The following ATN1 variants were observed in gnomAD, a reference collection of about 807,000 sequenced individuals.
ATN1 encodes atrophin 1.
In ATN1, 19 loss-of-function variants were observed where a neutral mutation model predicts 85.8. That is an observed-to-expected ratio of 0.22 (90% CI 0.15 to 0.32). The LOEUF is 0.32. ATN1 is among the 10% of genes least tolerant of loss of function. ATN1 has a pLI of 1.00. For missense variants in ATN1, 1,453 were observed against 1,564.5 expected (o/e 0.93, Z 1.20); for synonymous variants, 674 against 657.0 (o/e 1.03, Z -0.39).
Position 6,938,864 on chromosome 12 carries a change from C to T in ATN1, c.2901C>T (p.Gly967=). The T allele has an allele frequency of 6.2e-7, 1 of 1,614,144 alleles. No homozygotes were observed. Among genetic ancestry groups the T allele is most frequent in the Non-Finnish European group, 8.5e-7 (1 of 1,180,020 alleles). Residue 967 remains glycine (G), a synonymous_variant, in exon 7 of 10, where the codon GGC becomes GGT. Transcript: ENST00000396684. ...CCCTACATGGGGTCCCTGGGCCGGGCTTGGATCCCTTTCCCCGACATGGGG... is the reference window on the plus strand; with the variant it reads ...CCCTACATGGGGTCCCTGGGCCGGGTTTGGATCCCTTTCCCCGACATGGGG... The part of the protein sequence containing the change: ...LEPLHGVPGP[G]LDPFPRHGGL...
Position 6,942,117 on chromosome 12 carries a change from T to C in ATN1, c.*337T>C, listed in dbSNP as rs1241047609. 2.5e-6 allele frequency: 1 copy of C among 403,244 alleles called. No homozygotes were observed. Among genetic ancestry groups the C allele is most frequent in the Non-Finnish European group, 4.6e-6 (1 of 216,556 alleles). The allele number at this position is 403,244 out of a possible 1,614,324, so 25.0% of individuals were successfully genotyped here. A position where few individuals can be genotyped will look rare whatever the true frequency, so the allele number is the denominator to read the frequency against. On this transcript the variant is annotated 3_prime_UTR_variant, in exon 10 of 10. Coordinates refer to ENST00000396684, the MANE Select transcript of ATN1 (RefSeq NM_001940.4). ...CTGCCCCGTTGGTGTGATTATTTCA[T>C]CTGTTAGATGTGGCTGTTTTGCGTA...
chr12:6,940,280 G>A (rs1473214724), intron 7 of ATN1, among the ~76,000 whole-genome samples: 2 of 150,864 alleles, frequency 1.3e-5, no homozygotes, highest in African/African-American at 4.9e-5. Context: ...GTGAGCCACC[G>A]CACCCGGCTT....
Position 6,938,500 on chromosome 12 carries a change from G to A in ATN1, c.2537G>A (p.Arg846His), listed in dbSNP as rs1555144216. 3.1e-6 allele frequency: 5 copies of A among 1,609,050 alleles called. No individual in the cohort carries two copies. The highest frequency in any genetic ancestry group is 3.3e-5 in the Admixed American group (2 of 59,898). The change falls in exon 7 of 10, where the codon CGT (arginine) becomes CAT (histidine). Residue 846 changes from arginine (R) to histidine (H), a missense_variant. Transcript: ENST00000396684. ...ERSVKLAQEG[R>H]APVECPSLGP... ...CCACAGAAGTTGGCTCAGGAGGGCC[G>A]TGCTCCGGTGGAATGCCCATCTCTG...
chr12:6,927,599 C>CCCTCGG (rs1194554001), upstream of ATN1, among the ~76,000 whole-genome samples: 312 of 151,610 alleles, frequency 2.1e-3, 2 homozygotes, highest in African/African-American at 6.8e-3. Flanking sequence ...CGCCCCGGCC[C>CCCTCGG]CCTCGGCCTC....
chr12:6,928,050 G>C lies in ATN1; in HGVS notation c.-497G>C, dbSNP rs1433041430. 6.9e-6 allele frequency among the ~76,000 whole-genome samples: 1 copy of C among 145,178 alleles called. No individual in the cohort carries two copies. The highest frequency in any genetic ancestry group is 1.5e-5 in the Non-Finnish European group (1 of 65,404). On this transcript the variant is annotated 5_prime_UTR_variant, in exon 1 of 10. Transcript: ENST00000396684. ...GCGGGTCGGAACCGCGCCGAGGGCC[G>C]GGCGGGCCGCGGGGCCGGGCGGCGC...
At position 6,936,309 on chromosome 12, in the gene ATN1, A is replaced by T; in HGVS notation, c.1042A>T (p.Lys348Ter). The T allele has an allele frequency of 6.2e-7, 1 of 1,613,706 alleles. No individual in the cohort carries two copies. Among genetic ancestry groups the T allele is most frequent in the Non-Finnish European group, 8.5e-7 (1 of 1,179,842 alleles). The change falls in exon 5 of 10, where the codon AAG becomes TAG. Residue 348 changes from lysine to a stop codon, truncating the protein, a stop_gained. Transcript: ENST00000396684. LOFTEE classifies it high-confidence loss of function. ...GGGTGGACTTCCTCCTGGCCCAGAG[A>T]AGGGCCCAACTCTGGCTCCTTCACC... ...GMGGLPPGPE[K>*]GPTLAPSPHS...
intron 1 of ATN1, among the ~76,000 whole-genome samples, chr12:6,930,361 C>G (rs1467830243): frequency 2.6e-5 from 4 of 152,200 alleles, no homozygotes; most frequent in Non-Finnish European, 5.9e-5. Flanking sequence ...GAGCCCCTCC[C>G]AGAGAGCTTG....
At chr12:6,931,776 G>A (rs1945469119) in intron 1 of ATN1, among the ~76,000 whole-genome samples, 2 of 151,366 alleles carry the variant, frequency 1.3e-5, no homozygotes, top group Admixed American at 6.6e-5. Flanking sequence ...GCTCACGCCT[G>A]TAATCCCAGC....
Position 6,934,221 on chromosome 12 carries a change from G to A in ATN1, c.73G>A (p.Glu25Lys). Residue 25 changes from glutamate to lysine, a missense_variant, in exon 3 of 10, where the codon GAA becomes AAA. Transcript: ENST00000396684. The surrounding 1 kb of genome is among the most constrained non-coding windows in gnomAD (Gnocchi z 4.5). The stretch of plus-strand genomic sequence containing the variant: ...GAAGAAAGAGGCCCCTGGGCCCCGG[G>A]AAGAACTGAGATCGAGGGGCCGGGC... ...GRKKEAPGPR[E>K]ELRSRGRASP... is the part of the protein sequence containing the mutation. 6.3e-7 allele frequency: 1 copy of A among 1,592,432 alleles called. No homozygotes were observed. The highest frequency in any genetic ancestry group is 8.5e-7 in the Non-Finnish European group (1 of 1,174,780).
chr12:6,937,019 A>G lies in ATN1; in HGVS notation c.1752A>G (p.Pro584=), dbSNP rs200905097. The stretch of plus-strand genomic sequence containing the variant: ...CTTCCACTTCTCAAGGGTCCTACCC[A>G]TGTTCACACCCCTCCCCTTCCCAGG... ...SSSSTSQGSY[P]CSHPSPSQGP... The change falls in exon 5 of 10, where the codon CCA becomes CCG. Residue 584 remains proline, a synonymous_variant. Transcript: ENST00000396684. The surrounding 1 kb of genome is among the most constrained non-coding windows in gnomAD (Gnocchi z 6.0). 75 of 1,613,568 alleles carry G rather than the reference A, an allele frequency of 4.6e-5. No homozygotes were observed. In the Admixed American group the frequency reaches 5.8e-4, roughly 13 times the overall value.
In ATN1 at chr12:6,937,071, C is replaced by T. The variant is rs1255387059; in HGVS notation, c.1804C>T (p.Pro602Ser). The T allele has an allele frequency of 6.2e-7, 1 of 1,613,422 alleles. No homozygotes were observed. Among genetic ancestry groups the T allele is most frequent in the Non-Finnish European group, 8.5e-7 (1 of 1,180,032 alleles). Residue 602 changes from proline (P) to serine (S), a missense_variant, in exon 5 of 10, where the codon CCA becomes TCA. By Grantham distance (74) the Pro-to-Ser change is moderately conservative (BLOSUM62 -1). Coordinates refer to ENST00000396684, the MANE Select transcript of ATN1 (RefSeq NM_001940.4). The surrounding 1 kb of genome is among the most constrained non-coding windows in gnomAD (Gnocchi z 6.0). ...QGPQGAPYPF[P>S]PVPTVTTSSA... ...CCCTCAAGGGGCGCCCTACCCTTTC[C>T]CACCGGTGCCTACGGTCACCACCTC...
chr12:6,941,338 C>A lies in ATN1; in HGVS notation c.3359-36C>A, dbSNP rs367756140. ...TGGTCCAGAGCAGGTACTTGTTATC[C>A]GTTGGTCATATGCCCCTTGCCCTTC... On this transcript the variant is annotated intron_variant, in intron 8 of 9. Coordinates refer to ENST00000396684, the MANE Select transcript of ATN1 (RefSeq NM_001940.4). This position sits in a 1 kb window ranked among gnomAD's most constrained non-coding sequence, Gnocchi z 5.9. 1 of 1,555,882 alleles carries A rather than the reference C, an allele frequency of 6.4e-7. No homozygotes were observed. Among genetic ancestry groups the A allele is most frequent in the Admixed American group, 2.1e-5 (1 of 48,582 alleles).
At chr12:6,930,580 G>A (rs1945447609) in intron 1 of ATN1, among the ~76,000 whole-genome samples, 1 of 152,140 alleles carries the variant, frequency 6.6e-6, no homozygotes, top group Admixed American at 6.5e-5. Flanking sequence ...CGGATCACGA[G>A]GTCAGGCGAT....
chr12:6,936,084 A>G lies in ATN1; in HGVS notation c.817A>G (p.Thr273Ala), dbSNP rs781896011. 5 of 1,530,366 alleles carry G rather than the reference A, an allele frequency of 3.3e-6. No individual in the cohort carries two copies. The highest frequency in any genetic ancestry group is 2.6e-5 in the South Asian group (2 of 77,238). 94.8% of individuals were successfully genotyped at this position (1,530,366 alleles called of 1,614,324 possible). Residue 273 changes from threonine (T) to alanine (A), a missense_variant, in exon 5 of 10, where the codon ACA (threonine) becomes GCA (alanine). This residue lies in a region of ATN1 where 990 missense variants were observed against 914.8 expected (regional missense o/e 1.08). Coordinates refer to ENST00000396684, the MANE Select transcript of ATN1 (RefSeq NM_001940.4). Reference protein sequence around the residue: ...SSSGASGAPPTKPPTTPVGGG... With the variant: ...SSSGASGAPPAKPPTTPVGGG... ...CTCTGGGGCTAGTGGTGCTCCCCCA[A>G]CAAAGCCGCCTACCACTCCAGTGGG...
chr12:6,925,634 C>T (rs1945392339), upstream of ATN1, among the ~76,000 whole-genome samples: 1 of 152,168 alleles, frequency 6.6e-6, no homozygotes, highest in African/African-American at 2.4e-5. Context: ...TGACTCATTC[C>T]CAGGCCAAGG....
rs143844103 is a variant in ATN1 at position 6,938,748 on chromosome 12, G to A, written c.2785G>A (p.Ala929Thr). The part of the protein sequence containing the change: ...NVPALYSSDP[A>T]AREREREARE... Reference sequence around the variant, plus strand: ...CCCGGCCCTGTACAGCAGTGATCCAGCTGCCCGGGAGAGGGAACGGGAAGC... The same window carrying A: ...CCCGGCCCTGTACAGCAGTGATCCAACTGCCCGGGAGAGGGAACGGGAAGC... Residue 929 changes from alanine to threonine, a missense_variant, in exon 7 of 10, where the codon GCT becomes ACT. Ala to Thr is a moderately conservative substitution (Grantham distance 58). Around this residue, in one of 6 missense-constraint regions of ATN1, gnomAD observed 208 missense variants for 263.4 expected, o/e 0.79. Coordinates refer to ENST00000396684, the MANE Select transcript of ATN1 (RefSeq NM_001940.4). 3,161 of 1,613,950 alleles carry A rather than the reference G, an allele frequency of 2.0e-3. 12 individuals are homozygous for A. Among genetic ancestry groups the A allele is most frequent in the South Asian group, 2.3e-3 (211 of 91,088 alleles).
chr12:6,927,660 C>A (rs1489957856), upstream of ATN1, among the ~76,000 whole-genome samples: 3 of 151,406 alleles, frequency 2.0e-5, no homozygotes, highest in Admixed American at 2.0e-4. Flanking sequence ...CCCCCTCTCT[C>A]CCCCCTCGCG....
At chr12:6,938,234 A>G (rs1945580458) in intron 6 of ATN1, among the ~76,000 whole-genome samples, 167 bp downstream of exon 6, 1 of 152,176 alleles carries the variant, frequency 6.6e-6, no homozygotes, top group Non-Finnish European at 1.5e-5. Flanking sequence ...AATGGAGCCC[A>G]AAAGGTTTTC....
rs779493253 is a variant in ATN1, at chr12:6,929,282, A to G, written c.-163+898A>G. Reference sequence around the variant, plus strand: ...CCACCCTCCACCCTCCAATTTCCGGAGCGTCCGCTGCCCCTGGAGCTGTGA... The same window carrying G: ...CCACCCTCCACCCTCCAATTTCCGGGGCGTCCGCTGCCCCTGGAGCTGTGA... On this transcript the variant is annotated intron_variant, in intron 1 of 9. Coordinates refer to ENST00000396684, the MANE Select transcript of ATN1 (RefSeq NM_001940.4). Among the ~76,000 whole-genome samples, 22 of 152,214 alleles carry G rather than the reference A, an allele frequency of 1.4e-4. 1 individual carries two copies. The South Asian group carries it at 1.7e-3, about 11-fold the overall frequency.
Sources: allele counts gnomAD v4.1 joint callset (sites outside exome capture counted in the v4.1 genomes callset), GRCh38; gene constraint gnomAD v4.1.1; regional missense constraint gnomAD v4.1.1; non-coding constraint Gnocchi (gnomAD v3.1); transcripts MANE v1.5; gene names NCBI Gene and HGNC (gene_info 2026-07-23, HGNC 2026-07-21).